GNAT1: variants seen among roughly 807,000 people sequenced by gnomAD.
GNAT1 encodes the protein guanine nucleotide-binding protein G(t) subunit alpha-1.
In GNAT1, 36 loss-of-function variants were observed where a neutral mutation model predicts 40.0. That is an observed-to-expected ratio of 0.90 (90% CI 0.69 to 1.19). The LOEUF (loss-of-function observed/expected upper bound fraction) is 1.19, where lower values mean the gene tolerates loss of function less well. Ranked by LOEUF, GNAT1 falls within the 50% of genes most tolerant of loss-of-function variation. The pLI, the probability that GNAT1 is intolerant of heterozygous loss-of-function variation, is 0.00. For synonymous variants in GNAT1, 195 were observed against 192.9 expected, an observed-to-expected ratio of 1.01 and a Z score of -0.09; for missense variants, 413 against 480.6, an observed-to-expected ratio of 0.86 and a Z score of 1.32.
rs1260209817 is a variant in GNAT1 at position 50,194,101 on chromosome 3, T to C, written c.588T>C (p.Asp196=). ...CCCCGCGGCCCCGCAGGATGTTCGA[T>C]GTGGGCGGGCAGCGCTCGGAGCGCA... The part of the protein sequence containing the change: ...SFKDLNFRMF[D]VGGQRSERKK... The change falls in exon 6 of 9, where the codon GAT becomes GAC. Residue 196 remains aspartate, a synonymous_variant. Coordinates refer to ENST00000232461, the MANE Select transcript of GNAT1 (RefSeq NM_144499.3). This position sits in a 1 kb window ranked among gnomAD's most constrained non-coding sequence, Gnocchi z 6.1. 1.2e-6 allele frequency: 2 copies of C among 1,613,436 alleles called. No individual in the cohort carries two copies. Among genetic ancestry groups the C allele is most frequent in the South Asian group, 1.1e-5 (1 of 91,046 alleles).
intron 1 of GNAT1, 67 bp downstream of exon 1, chr3:50,191,898 C>T (rs1318114033): frequency 3.9e-6 from 4 of 1,030,324 alleles, no homozygotes; most frequent in Non-Finnish European, 6.0e-6. Flanking sequence ...GCAGGCAGCC[C>T]TTCTGTGAAG....
chr3:50,194,375 TG>T lies in GNAT1; in HGVS notation c.709-122del. On this transcript the variant is annotated intron_variant, in intron 6 of 8. Transcript: ENST00000232461. This position sits in a 1 kb window ranked among gnomAD's most constrained non-coding sequence, Gnocchi z 6.1. ...CCCGGAGGCGTTCAGCAGGCCCATC[TG>T]GGGCAGTGCGGGGAGCCCTCTGAGA... is the stretch of plus-strand genomic sequence containing the variant. 1.4e-6 allele frequency: 2 copies of T among 1,391,574 alleles called. No individual in the cohort carries two copies. The highest frequency in any genetic ancestry group is 2.0e-6 in the Non-Finnish European group (2 of 1,006,078). 86.2% of individuals were successfully genotyped at this position (1,391,574 alleles called of 1,614,324 possible). A position where few individuals can be genotyped will look rare whatever the true frequency, so the allele number is the denominator to read the frequency against.
chr3:50,193,975 A>T lies in GNAT1; in HGVS notation c.578+94A>T. The T allele has an allele frequency of 1.2e-6, 2 of 1,600,312 alleles. No homozygotes were observed. The highest frequency in any genetic ancestry group is 1.7e-6 in the Non-Finnish European group (2 of 1,168,248). On this transcript the variant is annotated intron_variant, in intron 5 of 8. Coordinates refer to ENST00000232461, the MANE Select transcript of GNAT1 (RefSeq NM_144499.3). This position sits in a 1 kb window ranked among gnomAD's most constrained non-coding sequence, Gnocchi z 8.1. ...TGCGATAGACCCTGCCCCTTCCCTG[A>T]TACCCCGCCAGCAGAAAGGGTGGTA... is the stretch of plus-strand genomic sequence containing the variant.
chr3:50,192,084 G>A (rs1699419335), intron 1 of GNAT1, among the ~76,000 whole-genome samples: 2 of 152,200 alleles, frequency 1.3e-5, no homozygotes, highest in East Asian at 1.9e-4. Flanking sequence ...CCAGAAGTGC[G>A]TGCCAACCAC....
chr3:50,193,371 A>T lies in GNAT1; in HGVS notation c.256A>T (p.Thr86Ser), dbSNP rs1338199628. ...SILAIVRAMT[T>S]LNIQYGDSAR... ...CCTGGCCATCGTACGCGCCATGACC[A>T]CACTCAACATCCAGTACGGAGACTC... Residue 86 changes from threonine (T) to serine (S), a missense_variant, in exon 3 of 9, where the codon ACA (threonine) becomes TCA (serine). By Grantham distance (58) the Thr-to-Ser change is moderately conservative (BLOSUM62 1). Coordinates refer to ENST00000232461, the MANE Select transcript of GNAT1 (RefSeq NM_144499.3). This position sits in a 1 kb window ranked among gnomAD's most constrained non-coding sequence, Gnocchi z 8.1. 6.2e-7 allele frequency: 1 copy of T among 1,613,980 alleles called. No homozygotes were observed. Among genetic ancestry groups the T allele is most frequent in the Non-Finnish European group, 8.5e-7 (1 of 1,180,028 alleles).
In GNAT1 at chr3:50,193,196, C is replaced by G. The variant is rs1341670122; in HGVS notation, c.149+21C>G. On this transcript the variant is annotated intron_variant, in intron 2 of 8. Coordinates refer to ENST00000232461, the MANE Select transcript of GNAT1 (RefSeq NM_144499.3). The surrounding 1 kb of genome is among the most constrained non-coding windows in gnomAD (Gnocchi z 8.1). ...ATGAAGTGAGTGCCCCTGCCTGTCC[C>G]GAGGCCCCTGGGTCTGGGTCCTTCC... 1.2e-6 allele frequency: 2 copies of G among 1,613,958 alleles called. No individual in the cohort carries two copies. The highest frequency in any genetic ancestry group is 3.3e-5 in the Admixed American group (2 of 60,018).
rs1699470730 is a variant in GNAT1 at position 50,194,391 on chromosome 3, G to C, written c.709-110G>C. The stretch of plus-strand genomic sequence containing the variant: ...AGGCCCATCTGGGGCAGTGCGGGGA[G>C]CCCTCTGAGAGCCAGCTGAGCGGGA... On this transcript the variant is annotated intron_variant, in intron 6 of 8. Transcript: ENST00000232461. The surrounding 1 kb of genome is among the most constrained non-coding windows in gnomAD (Gnocchi z 6.1). The C allele has an allele frequency of 6.3e-6, 9 of 1,423,748 alleles. No individual in the cohort carries two copies. The highest frequency in any genetic ancestry group is 8.7e-6 in the Non-Finnish European group (9 of 1,033,164). The allele number at this position is 1,423,748 out of a possible 1,614,324, so 88.2% of individuals were successfully genotyped here. A position where few individuals can be genotyped will look rare whatever the true frequency, so the allele number is the denominator to read the frequency against.
At chr3:50,192,586 G>T (rs1010474282) in intron 1 of GNAT1, 3 of 194,796 alleles carry the variant, frequency 1.5e-5, no homozygotes, top group Admixed American at 1.1e-4. Flanking sequence ...AGGCAGAGAG[G>T]CTAAGCCGGA....
In GNAT1 at chr3:50,193,587, C is replaced by A. The variant is rs540227694; in HGVS notation, c.373C>A (p.Arg125=). ...CAAGGAGATGTCGGACATCATCCAG[C>A]GGCTGTGGAAGGACTCCGGTATCCA... ...MPKEMSDIIQ[R]LWKDSGIQAC... The change falls in exon 4 of 9, where the codon CGG becomes AGG. Residue 125 remains arginine (R), a synonymous_variant. Coordinates refer to ENST00000232461, the MANE Select transcript of GNAT1 (RefSeq NM_144499.3). The surrounding 1 kb of genome is among the most constrained non-coding windows in gnomAD (Gnocchi z 8.1). 3 of 1,612,886 alleles carry A rather than the reference C, an allele frequency of 1.9e-6. No homozygotes were observed. The highest frequency in any genetic ancestry group is 1.3e-5 in the African/African-American group (1 of 74,922).
Position 50,193,908 on chromosome 3 carries a change from G to T in GNAT1, c.578+27G>T, listed in dbSNP as rs916122378. 6.2e-7 allele frequency: 1 copy of T among 1,613,014 alleles called. No individual in the cohort carries two copies. The highest frequency in any genetic ancestry group is 1.3e-5 in the African/African-American group (1 of 74,930). On this transcript the variant is annotated intron_variant, in intron 5 of 8. Transcript: ENST00000232461. The surrounding 1 kb of genome is among the most constrained non-coding windows in gnomAD (Gnocchi z 8.1). ...TACGACCCATACGCTAGCCCAGGAG[G>T]TCACTGCCCCAGGCCCCGTCCTGCC...
In GNAT1 at chr3:50,194,197, G is replaced by A. The variant is rs1699466674; in HGVS notation, c.684G>A (p.Met228Ile). 2 of 1,611,774 alleles carry A rather than the reference G, an allele frequency of 1.2e-6. No homozygotes were observed. The highest frequency in any genetic ancestry group is 1.7e-6 in the Non-Finnish European group (2 of 1,178,940). The change falls in exon 6 of 9, where the codon ATG becomes ATA. Residue 228 changes from methionine to isoleucine, a missense_variant. Coordinates refer to ENST00000232461, the MANE Select transcript of GNAT1 (RefSeq NM_144499.3). This position sits in a 1 kb window ranked among gnomAD's most constrained non-coding sequence, Gnocchi z 6.1. Reference sequence around the variant, plus strand: ...TCGCGGCGCTGAGCGCCTACGACATGGTGCTAGTGGAGGACGACGAAGTGG... The same window carrying A: ...TCGCGGCGCTGAGCGCCTACGACATAGTGCTAGTGGAGGACGACGAAGTGG... ...IFIAALSAYD[M>I]VLVEDDEVNR...
At position 50,193,182 on chromosome 3, in the gene GNAT1, G is replaced by A; in HGVS notation, c.149+7G>A. The stretch of plus-strand genomic sequence containing the variant: ...CCATCGTCAAGCAGATGAAGTGAGT[G>A]CCCCTGCCTGTCCCGAGGCCCCTGG... On this transcript the variant is annotated splice_region_variant and intron_variant, in intron 2 of 8. Coordinates refer to ENST00000232461, the MANE Select transcript of GNAT1 (RefSeq NM_144499.3). The surrounding 1 kb of genome is among the most constrained non-coding windows in gnomAD (Gnocchi z 8.1). The A allele has an allele frequency of 6.2e-7, 1 of 1,614,000 alleles. No individual in the cohort carries two copies. The highest frequency in any genetic ancestry group is 2.2e-5 in the East Asian group (1 of 44,884).
At position 50,194,552 on chromosome 3, in the gene GNAT1, T is replaced by C. The variant is rs748761041; in HGVS notation, c.760T>C (p.Tyr254His). 1 of 1,613,726 alleles carries C rather than the reference T, an allele frequency of 6.2e-7. No individual in the cohort carries two copies. Among genetic ancestry groups the C allele is most frequent in the African/African-American group, 1.3e-5 (1 of 74,924 alleles). The change falls in exon 7 of 9, where the codon TAC becomes CAC. Residue 254 changes from tyrosine (Y) to histidine (H), a missense_variant. Coordinates refer to ENST00000232461, the MANE Select transcript of GNAT1 (RefSeq NM_144499.3). The surrounding 1 kb of genome is among the most constrained non-coding windows in gnomAD (Gnocchi z 6.1). ...GTTCAACAGCATCTGCAACCACCGCTACTTCGCCACGACGTCCATCGTGCT... is the reference window on the plus strand; with the variant it reads ...GTTCAACAGCATCTGCAACCACCGCCACTTCGCCACGACGTCCATCGTGCT... ...HLFNSICNHR[Y>H]FATTSIVLFL...
intron 8 of GNAT1, 46 bp from the exon 9 acceptor site, chr3:50,195,222 A>C: frequency 5.8e-6 from 3 of 520,094 alleles, no homozygotes; most frequent in East Asian, 3.4e-5. Flanking sequence ...GCCTAAACCC[A>C]TTTATTTTGG....
rs1440961711 is a variant in GNAT1 at position 50,194,878 on chromosome 3, C to A, written c.976C>A (p.Gln326Lys). ...CCACATGACGTGCGCCACCGACACG[C>A]AGAACGTCAAATTTGTCTTCGACGC... ...YSHMTCATDT[Q>K]NVKFVFDAVT... The change falls in exon 8 of 9, where the codon CAG (glutamine) becomes AAG (lysine). Residue 326 changes from glutamine (Q) to lysine (K), a missense_variant. Coordinates refer to ENST00000232461, the MANE Select transcript of GNAT1 (RefSeq NM_144499.3). The surrounding 1 kb of genome is among the most constrained non-coding windows in gnomAD (Gnocchi z 6.1). 3 of 1,613,802 alleles carry A rather than the reference C, an allele frequency of 1.9e-6. No individual in the cohort carries two copies. Among genetic ancestry groups the A allele is most frequent in the Non-Finnish European group, 2.5e-6 (3 of 1,179,906 alleles).
Position 50,194,753 on chromosome 3 carries a change from C to T in GNAT1, c.863-12C>T, listed in dbSNP as rs1284378158. On this transcript the variant is annotated splice_polypyrimidine_tract_variant and intron_variant, in intron 7 of 8. Transcript: ENST00000232461. This position sits in a 1 kb window ranked among gnomAD's most constrained non-coding sequence, Gnocchi z 6.1. Reference sequence around the variant, plus strand: ...GAAGGGCTGAGCAGAGTGAGAGCTCCCGCCCCCGCAGGACCCAACACCTAC... The same window carrying T: ...GAAGGGCTGAGCAGAGTGAGAGCTCTCGCCCCCGCAGGACCCAACACCTAC... The T allele has an allele frequency of 6.2e-7, 1 of 1,613,362 alleles. No individual in the cohort carries two copies. Among genetic ancestry groups the T allele is most frequent in the African/African-American group, 1.3e-5 (1 of 74,996 alleles).
Position 50,196,884 on chromosome 3 carries a change from C to G in GNAT1, c.*1618C>G, listed in dbSNP as rs571313353. Among the ~76,000 whole-genome samples, 2 of 152,000 alleles carry G rather than the reference C, an allele frequency of 1.3e-5. No homozygotes were observed. Among genetic ancestry groups the G allele is most frequent in the Non-Finnish European group, 2.9e-5 (2 of 68,026 alleles). ...ACGTGGACAGGTGCCCAAAGCCAGTCGGAGGGCCTGGGCTTTCTCAGAAGG... is the reference window on the plus strand; with the variant it reads ...ACGTGGACAGGTGCCCAAAGCCAGTGGGAGGGCCTGGGCTTTCTCAGAAGG... On this transcript the variant is annotated 3_prime_UTR_variant, in exon 9 of 9. Coordinates refer to ENST00000232461, the MANE Select transcript of GNAT1 (RefSeq NM_144499.3).
rs1178018186 is a variant in GNAT1 at position 50,196,038 on chromosome 3, G to A, written c.*772G>A. 1 of 152,392 alleles carries A rather than the reference G, an allele frequency of 6.6e-6. No individual in the cohort carries two copies. The highest frequency in any genetic ancestry group is 1.5e-5 in the Non-Finnish European group (1 of 68,098). 9.4% of individuals were successfully genotyped at this position (152,392 alleles called of 1,614,324 possible). Reference sequence around the variant, plus strand: ...CCACACACAGTACCCTGGGCTGGTTGGACAACAGGATGGTGTGTTAAGGGG... The same window carrying A: ...CCACACACAGTACCCTGGGCTGGTTAGACAACAGGATGGTGTGTTAAGGGG... On this transcript the variant is annotated 3_prime_UTR_variant, in exon 9 of 9. Transcript: ENST00000232461.
In GNAT1 at chr3:50,196,996, G is replaced by A. The variant is rs1366533027; in HGVS notation, c.*1730G>A. ...AGGGAAGTGAGGCACACTCACCTTG[G>A]GTGCAACATTTAAGGCGATGCCAAA... On this transcript the variant is annotated 3_prime_UTR_variant, in exon 9 of 9. Transcript: ENST00000232461. Among the ~76,000 whole-genome samples, 1 of 152,092 alleles carries A rather than the reference G, an allele frequency of 6.6e-6. No individual in the cohort carries two copies. Among genetic ancestry groups the A allele is most frequent in the Non-Finnish European group, 1.5e-5 (1 of 68,028 alleles).
Sources: gnomAD v4.1 joint callset for allele counts (sites outside exome capture counted in the v4.1 genomes callset) on GRCh38, gnomAD v4.1.1 for gene constraint, Gnocchi (gnomAD v3.1) non-coding constraint, MANE v1.5 for transcripts, NCBI Gene and HGNC (gene_info 2026-07-23, HGNC 2026-07-21) for gene names.